Variants in ESRRB observed in about 807,000 individuals in gnomAD.
The protein encoded by ESRRB is estrogen related receptor beta.
A neutral mutation model predicts 46.0 loss-of-function variants in ESRRB; 16 were observed. That is an observed-to-expected ratio of 0.35 (90% CI 0.24 to 0.53). The LOEUF is 0.53. Ranked by LOEUF, ESRRB falls within the 20% of genes least tolerant of loss-of-function variation. The pLI is 0.93. For missense variants in ESRRB, 488 were observed against 607.4 expected (o/e 0.80, Z 2.07); for synonymous variants, 246 against 259.6 (o/e 0.95, Z 0.50).
In ESRRB at chr14:76,342,869, C is replaced by T. The variant is rs142311455; in HGVS notation, c.2+31953C>T. On this transcript the variant is annotated intron_variant, in intron 1 of 6. Transcript: ENST00000512784. ...CCTGGGATCACAGCAGTGAACTTGA[C>T]AGCCACGTTCCTGCTTTCAAGCCTT... Among the ~76,000 whole-genome samples the T allele has an allele frequency of 6.0e-4, 91 of 152,352 alleles. 1 individual carries two copies. In the East Asian group the frequency reaches 0.017, roughly 28 times the overall value.
chr14:76,340,938 T>C (rs1460112735), intron 1 of ESRRB, among the ~76,000 whole-genome samples: 1 of 152,160 alleles, frequency 6.6e-6, no homozygotes, highest in Non-Finnish European at 1.5e-5. Flanking sequence ...TCTCTGAGCC[T>C]CAGTTTCCTC....
At chr14:76,441,126 C>T (rs1364416076) in intron 2 of ESRRB, among the ~76,000 whole-genome samples, 2 of 152,176 alleles carry the variant, frequency 1.3e-5, no homozygotes, top group Non-Finnish European at 2.9e-5. Context: ...AATTATTGCA[C>T]ACTGCAGCCT....
At chr14:76,463,998 C>T (rs1889000780) in intron 3 of ESRRB, among the ~76,000 whole-genome samples, 1 of 152,150 alleles carries the variant, frequency 6.6e-6, no homozygotes, top group Non-Finnish European at 1.5e-5. Flanking sequence ...CCACTATGCC[C>T]AGCCGATGTT....
intron 1 of ESRRB, among the ~76,000 whole-genome samples, chr14:76,349,124 C>T (rs536776648): frequency 1.3e-5 from 2 of 152,264 alleles, no homozygotes; most frequent in African/African-American, 4.8e-5. Context: ...GGTCACAGAG[C>T]CAATGAGTGA....
intron 1 of ESRRB, among the ~76,000 whole-genome samples, chr14:76,356,661 C>T (rs1019550668): frequency 6.6e-6 from 1 of 152,202 alleles, no homozygotes; most frequent in Non-Finnish European, 1.5e-5. Flanking sequence ...CCACTCTGTG[C>T]TAACTCCAGA....
intron 1 of ESRRB, among the ~76,000 whole-genome samples, chr14:76,334,728 C>T (rs982582986): frequency 6.6e-6 from 1 of 152,184 alleles, no homozygotes; most frequent in African/African-American, 2.4e-5. Context: ...GCCTCTGACC[C>T]TCCTGTGCTG....
intron 1 of ESRRB, among the ~76,000 whole-genome samples, chr14:76,360,073 C>T (rs1373551901): frequency 2.0e-5 from 3 of 152,178 alleles, no homozygotes; most frequent in African/African-American, 4.8e-5. Context: ...TTTTCAATTG[C>T]CCAAGTGCTC....
intron 1 of ESRRB, among the ~76,000 whole-genome samples, chr14:76,363,894 G>A (rs918740220): frequency 1.3e-5 from 2 of 152,208 alleles, no homozygotes; most frequent in East Asian, 3.8e-4. Flanking sequence ...ATCCCAGACT[G>A]TTTTCTGGCC....
At chr14:76,444,675 C>A (rs1206492295) in intron 2 of ESRRB, among the ~76,000 whole-genome samples, 1 of 152,188 alleles carries the variant, frequency 6.6e-6, no homozygotes, top group African/African-American at 2.4e-5. Flanking sequence ...GGAGGAGCCA[C>A]TGCGCCTGGC....
intron 1 of ESRRB, among the ~76,000 whole-genome samples, chr14:76,391,680 A>G (rs1466727814): frequency 1.3e-5 from 2 of 152,232 alleles, no homozygotes; most frequent in Non-Finnish European, 2.9e-5. Flanking sequence ...GCACAGAGTC[A>G]GTCATGGAGG....
Position 76,499,696 on chromosome 14 carries a change from C to T in ESRRB, c.*1238C>T, listed in dbSNP as rs140576036. On this transcript the variant is annotated 3_prime_UTR_variant, in exon 7 of 7. Transcript: ENST00000644823. The stretch of plus-strand genomic sequence containing the variant: ...GGCAGGACCCCTGCAGTCCCCCTGG[C>T]TGTGCCAGGTAACCAACCGTCTTGG... 2.9e-5 allele frequency: 20 copies of T among 701,752 alleles called. No homozygotes were observed. The African/African-American group carries it at 3.1e-4, about 11-fold the overall frequency. 43.5% of individuals were successfully genotyped at this position (701,752 alleles called of 1,614,324 possible).
intron 2 of ESRRB, 129 bp downstream of exon 2, chr14:76,439,879 G>A: frequency 9.8e-7 from 1 of 1,023,064 alleles, no homozygotes; most frequent in Non-Finnish European, 1.4e-6. Flanking sequence ...GTACTTCTGT[G>A]GGGCGCCTTT....
intron 6 of ESRRB, among the ~76,000 whole-genome samples, chr14:76,492,228 AT>A (rs1890259866): frequency 6.6e-6 from 1 of 152,184 alleles, no homozygotes; most frequent in Non-Finnish European, 1.5e-5. Flanking sequence ...CTGTGGCTTG[AT>A]CCTAGCTCAC....
chr14:76,432,671 CTTT>C (rs529243634), intron 1 of ESRRB, among the ~76,000 whole-genome samples: 22 of 111,430 alleles, frequency 2.0e-4, no homozygotes, highest in Admixed American at 8.5e-4. Flanking sequence ...TTCTCTCTCT[CTTT>C]TTTTTTTTTT....
chr14:76,421,012 G>T (rs1886931361), intron 1 of ESRRB, among the ~76,000 whole-genome samples: 1 of 152,174 alleles, frequency 6.6e-6, no homozygotes, highest in Non-Finnish European at 1.5e-5. Flanking sequence ...GTCACCCTCT[G>T]GTTCCTTGGG....
At chr14:76,466,536 A>T (rs1253483537) in intron 3 of ESRRB, among the ~76,000 whole-genome samples, 1 of 152,114 alleles carries the variant, frequency 6.6e-6, no homozygotes, top group Non-Finnish European at 1.5e-5. Context: ...CATCCAGAGC[A>T]GACCATGGAA....
At chr14:76,498,155 C>T (rs1317721861) in intron 6 of ESRRB, 59 bp from the exon 7 acceptor site, 14 of 1,609,188 alleles carry the variant, frequency 8.7e-6, no homozygotes, top group African/African-American at 1.3e-5. Flanking sequence ...CCAAGATGGC[C>T]CCCACACCAG....
intron 3 of ESRRB, among the ~76,000 whole-genome samples, chr14:76,480,455 A>T (rs1889764025): frequency 6.6e-6 from 1 of 152,224 alleles, no homozygotes; most frequent in Admixed American, 6.5e-5. Flanking sequence ...TTCTCCACTC[A>T]TTCAGTAAAC....
chr14:76,446,225 C>A (rs765430448), intron 2 of ESRRB, among the ~76,000 whole-genome samples: 4 of 152,226 alleles, frequency 2.6e-5, no homozygotes, highest in Admixed American at 6.5e-5. Context: ...AAACCTGAAA[C>A]ACTCCTCTGC....
Sources: gnomAD v4.1 joint callset for allele counts (sites outside exome capture counted in the v4.1 genomes callset) on GRCh38, gnomAD v4.1.1 for gene constraint, MANE v1.5 for transcripts, NCBI Gene and HGNC (gene_info 2026-07-23, HGNC 2026-07-21) for gene names.